The following MCU variants were observed in gnomAD, a reference collection of about 807,000 sequenced individuals.
MCU encodes calcium uniporter protein, mitochondrial.
Under a neutral mutation model 45.2 loss-of-function variants are expected in MCU, and 12 were observed. The ratio of observed to expected loss-of-function variants is 0.27; its 90% CI spans 0.17 to 0.43. The LOEUF is 0.43. Among genes scored for constraint, MCU ranks in the 20% least tolerant of loss-of-function variants. MCU has a pLI of 1.00. For missense variants in MCU, 324 were observed against 436.7 expected, an observed-to-expected ratio of 0.74 and a Z score of 2.30; for synonymous variants, 160 against 165.1, an observed-to-expected ratio of 0.97 and a Z score of 0.24.
At chr10:72,779,964 A>G (rs1013683618) in intron 1 of MCU, among the ~76,000 whole-genome samples, 2 of 152,234 alleles carry the variant, frequency 1.3e-5, no homozygotes, top group Non-Finnish European at 2.9e-5. Context: ...GCACATATCT[A>G]CACAAAAACA....
chr10:72,827,347 T>C (rs1844813856), intron 1 of MCU, among the ~76,000 whole-genome samples: 1 of 152,218 alleles, frequency 6.6e-6, no homozygotes, highest in South Asian at 2.1e-4. Flanking sequence ...CGGAATGCAT[T>C]TGTACCTACA....
At chr10:72,777,517 C>A (rs1843913940) in intron 1 of MCU, among the ~76,000 whole-genome samples, 1 of 152,112 alleles carries the variant, frequency 6.6e-6, no homozygotes, top group African/African-American at 2.4e-5. Flanking sequence ...AAACTAGACC[C>A]CTAACTCTCT....
At chr10:72,882,477 A>G (rs955634503) in intron 6 of MCU, among the ~76,000 whole-genome samples, 2 of 152,128 alleles carry the variant, frequency 1.3e-5, no homozygotes, top group African/African-American at 4.8e-5. Flanking sequence ...TGCACCCCTG[A>G]GGTTGGGTCT....
intron 1 of MCU, among the ~76,000 whole-genome samples, chr10:72,821,828 C>T (rs1341486337): frequency 6.6e-6 from 1 of 152,094 alleles, no homozygotes; most frequent in Non-Finnish European, 1.5e-5. Flanking sequence ...GCACATGGAA[C>T]ATTTTCCAAC....
intron 4 of MCU, among the ~76,000 whole-genome samples, chr10:72,861,110 G>T (rs1479560988): frequency 2.0e-5 from 3 of 151,680 alleles, no homozygotes; most frequent in Non-Finnish European, 4.4e-5. Flanking sequence ...CTGCAGCCTC[G>T]ACCTCAAGTT....
rs373225323 is a variant in MCU, at chr10:72,707,606, G to GGTGTGTGTGT, written c.150+15338_150+15347dup. Among the ~76,000 whole-genome samples, 131 of 135,030 alleles carry GGTGTGTGTGT rather than the reference G, an allele frequency of 9.7e-4. 1 individual carries two copies. The highest frequency in any genetic ancestry group is 3.4e-3 in the South Asian group (15 of 4,364). 88.6% of individuals were successfully genotyped at this position (135,030 alleles called of 152,430 possible). On this transcript the variant is annotated intron_variant, in intron 1 of 7. Transcript: ENST00000373053. ...AAATGAAGAGGTGGTCGTGGTGAGTGGTGTGTGTGTGTGTGTGTGTGTGTG... is the reference window on the plus strand; with the variant it reads ...AAATGAAGAGGTGGTCGTGGTGAGTGGTGTGTGTGTGTGTGTGTGTGTGTGTGTGTGTGTG...
chr10:72,857,249 C>CCT (rs1211347396), intron 2 of MCU, among the ~76,000 whole-genome samples: 14 of 149,826 alleles, frequency 9.3e-5, no homozygotes, highest in African/African-American at 3.5e-4. Flanking sequence ...AAACCCCCCC[C>CCT]TTTTTTTTTC....
chr10:72,736,091 A>G (rs1039410783), intron 1 of MCU, among the ~76,000 whole-genome samples: 3 of 152,200 alleles, frequency 2.0e-5, no homozygotes, highest in Admixed American at 1.3e-4. Context: ...ATACTTTACA[A>G]TTTTTCAAAA....
chr10:72,882,691 T>C (rs1411172056), intron 6 of MCU, among the ~76,000 whole-genome samples: 2 of 152,206 alleles, frequency 1.3e-5, no homozygotes, highest in African/African-American at 4.8e-5. Flanking sequence ...TCATTAGCAA[T>C]TTTAATTTTA....
intron 1 of MCU, among the ~76,000 whole-genome samples, chr10:72,781,199 A>G (rs952756097): frequency 6.6e-6 from 1 of 152,188 alleles, no homozygotes; most frequent in African/African-American, 2.4e-5. Context: ...TGGTGAATTG[A>G]ATTTGTCGGG....
intron 6 of MCU, among the ~76,000 whole-genome samples, chr10:72,881,353 A>G (rs1353803926): frequency 6.6e-6 from 1 of 152,142 alleles, no homozygotes; most frequent in African/African-American, 2.4e-5. Context: ...ATAGAGAATG[A>G]TTTCTTACAC....
intron 1 of MCU, among the ~76,000 whole-genome samples, chr10:72,806,460 T>C (rs576310299): frequency 1.3e-3 from 194 of 152,244 alleles, no homozygotes; most frequent in Non-Finnish European, 2.1e-3. Flanking sequence ...GCGCCCGGCA[T>C]GAAGAGCTTT....
chr10:72,817,987 G>A (rs774807246), intron 1 of MCU, among the ~76,000 whole-genome samples: 15 of 152,164 alleles, frequency 9.9e-5, no homozygotes, highest in Non-Finnish European at 2.2e-4. Context: ...GACTTGCACT[G>A]TTCTTTTAGA....
intron 1 of MCU, chr10:72,756,340 A>G (rs141806607): frequency 1.3e-4 from 20 of 152,326 alleles, no homozygotes; most frequent in African/African-American, 4.3e-4. Context: ...TTTGGAAACA[A>G]TACTATTTGT....
chr10:72,763,609 T>A (rs1425448463), intron 1 of MCU, among the ~76,000 whole-genome samples: 5 of 152,180 alleles, frequency 3.3e-5, no homozygotes, highest in Admixed American at 1.3e-4. Context: ...ATGGTGGGAC[T>A]TTGCATACTG....
chr10:72,873,588 C>T (rs1361557093), intron 6 of MCU, among the ~76,000 whole-genome samples: 2 of 152,030 alleles, frequency 1.3e-5, no homozygotes, highest in Non-Finnish European at 2.9e-5. Flanking sequence ...TTTCCTTTGC[C>T]GTACAAGAGC....
intron 2 of MCU, among the ~76,000 whole-genome samples, chr10:72,845,555 C>A (rs1320742652): frequency 6.6e-6 from 1 of 152,082 alleles, no homozygotes; most frequent in Non-Finnish European, 1.5e-5. Context: ...CAAATACTTA[C>A]CACTGTGTTA....
At chr10:72,847,981 A>G (rs2132852577) in intron 2 of MCU, among the ~76,000 whole-genome samples, 1 of 152,328 alleles carries the variant, frequency 6.6e-6, no homozygotes, top group South Asian at 2.1e-4. Context: ...AGACCAAAGC[A>G]GAAGTAAAGC....
Position 72,729,075 on chromosome 10 carries a change from C to T in MCU, c.150+36774C>T, listed in dbSNP as rs187222608. On this transcript the variant is annotated intron_variant, in intron 1 of 7. Coordinates refer to ENST00000373053, the MANE Select transcript of MCU (RefSeq NM_138357.3). Reference sequence around the variant, plus strand: ...GTTGCAGTTACTTGTATTGTGCTAGCTTTCAGGACTGCTTCAAAATACCAA... The same window carrying T: ...GTTGCAGTTACTTGTATTGTGCTAGTTTTCAGGACTGCTTCAAAATACCAA... Among the ~76,000 whole-genome samples the T allele has an allele frequency of 3.3e-5, 5 of 152,286 alleles. No homozygotes were observed. The East Asian group carries it at 9.6e-4, about 29-fold the overall frequency.
Sources: gnomAD v4.1 joint callset for allele counts (sites outside exome capture counted in the v4.1 genomes callset) on GRCh38, gnomAD v4.1.1 for gene constraint, MANE v1.5 for transcripts, NCBI Gene and HGNC (gene_info 2026-07-23, HGNC 2026-07-21) for gene names.